The following ZNF341 variants were observed in gnomAD, a reference collection of about 807,000 sequenced individuals.
The protein encoded by ZNF341 is zinc finger protein 341.
ZNF341 carries 52 observed loss-of-function variants against 87.7 expected under a neutral mutation model. That is an observed-to-expected ratio of 0.59 (90% CI 0.47 to 0.75). The LOEUF (loss-of-function observed/expected upper bound fraction) is 0.75. ZNF341 is among the 30% of genes least tolerant of loss of function. The pLI, the probability that ZNF341 is intolerant of heterozygous loss-of-function variation, is 0.00. For missense variants in ZNF341, 977 were observed against 1,145.9 expected, an observed-to-expected ratio of 0.85 and a Z score of 2.13; for synonymous variants, 459 against 472.7, an observed-to-expected ratio of 0.97 and a Z score of 0.38.
intron 4 of ZNF341, among the ~76,000 whole-genome samples, chr20:33,750,133 T>G (rs1363200032): frequency 6.6e-6 from 1 of 152,174 alleles, no homozygotes; most frequent in Non-Finnish European, 1.5e-5. Context: ...AAAAAAAAAT[T>G]TTTGTAGAGA....
intron 2 of ZNF341, among the ~76,000 whole-genome samples, chr20:33,743,029 CTCTT>C (rs1266779776): frequency 1.3e-5 from 2 of 150,400 alleles, no homozygotes; most frequent in African/African-American, 2.5e-5. Flanking sequence ...CCCTGTCTCT[CTCTT>C]TTTTTTTTTT....
At chr20:33,786,027 CTTTTTTTTTTTTTTT>C (rs11478588) in intron 12 of ZNF341, among the ~76,000 whole-genome samples, 3 of 68,682 alleles carry the variant, frequency 4.4e-5, no homozygotes, top group Non-Finnish European at 7.5e-5. Flanking sequence ...ATGTATGAAC[CTTTTTTTTTTTTTTT>C]TTTTTTTTTG....
Position 33,791,250 on chromosome 20 carries a change from C to T in ZNF341, c.2298C>T (p.Pro766=). The part of the protein sequence containing the change: ...CGSGGRKVLT[P]LPDPLGLEEL... ...GTGGTGGGCGCAAGGTGCTGACCCC[C>T]TTGCCTGACCCGCTGGGGCTGGAGG... The change falls in exon 15 of 15, where the codon CCC becomes CCT. Residue 766 remains proline, a synonymous_variant. Coordinates refer to ENST00000375200, the MANE Select transcript of ZNF341 (RefSeq NM_001282933.2). 6.2e-7 allele frequency: 1 copy of T among 1,611,996 alleles called. No homozygotes were observed. Among genetic ancestry groups the T allele is most frequent in the Non-Finnish European group, 8.5e-7 (1 of 1,179,524 alleles).
rs1156884932 is a variant in ZNF341 at position 33,788,892 on chromosome 20, G to A, written c.1882G>A (p.Glu628Lys). Residue 628 changes from glutamate (E) to lysine (K), a missense_variant, in exon 13 of 15, where the codon GAG becomes AAG. Transcript: ENST00000375200. The part of the protein sequence containing the change: ...GEKPYKCSVC[E>K]SAFNRKDKLK... ...GAAGCCCTACAAATGCTCAGTGTGC[G>A]AGTCTGCGTTCAACCGCAAGGACAA... 3.1e-6 allele frequency: 5 copies of A among 1,613,976 alleles called. No individual in the cohort carries two copies. Among genetic ancestry groups the A allele is most frequent in the Non-Finnish European group, 3.4e-6 (4 of 1,180,024 alleles).
At chr20:33,762,339 T>C (rs746996122) in intron 8 of ZNF341, among the ~76,000 whole-genome samples, 2 of 151,950 alleles carry the variant, frequency 1.3e-5, no homozygotes, top group South Asian at 2.1e-4. Context: ...TTTTAACTTA[T>C]GAGTTATTTC....
intron 11 of ZNF341, 111 bp from the exon 12 acceptor site, chr20:33,783,621 G>T (rs2019786668): frequency 6.7e-7 from 1 of 1,494,570 alleles, no homozygotes; most frequent in Admixed American, 1.7e-5. Flanking sequence ...CTGATAGCCA[G>T]AAAGGAAGGT....
chr20:33,752,818 A>G (rs771263687), intron 4 of ZNF341, among the ~76,000 whole-genome samples: 4 of 151,508 alleles, frequency 2.6e-5, no homozygotes, highest in Non-Finnish European at 5.9e-5. Context: ...CGCCCGGCTA[A>G]TTTTTTGTAT....
chr20:33,748,942 T>G lies in ZNF341; in HGVS notation c.359T>G (p.Val120Gly). 6.2e-7 allele frequency: 1 copy of G among 1,613,794 alleles called. No homozygotes were observed. The highest frequency in any genetic ancestry group is 8.5e-7 in the Non-Finnish European group (1 of 1,179,762). ...ANRQISTYIT[V>G]PPSPLIQTLV... ...GTCCAGATCTCCACATACATCACAG[T>G]GCCCCCGTCCCCACTGATCCAGACC... Residue 120 changes from valine (V) to glycine (G), a missense_variant, in exon 4 of 15, where the codon GTG becomes GGG. Coordinates refer to ENST00000375200, the MANE Select transcript of ZNF341 (RefSeq NM_001282933.2).
chr20:33,789,792 G>T (rs1186960395), intron 14 of ZNF341, among the ~76,000 whole-genome samples: 1 of 152,350 alleles, frequency 6.6e-6, no homozygotes, highest in Non-Finnish European at 1.5e-5. Context: ...ATCAGACACA[G>T]TCCCCCAGTC....
intron 8 of ZNF341, among the ~76,000 whole-genome samples, chr20:33,766,009 A>C (rs2019398858): frequency 6.6e-6 from 1 of 151,046 alleles, no homozygotes; most frequent in African/African-American, 2.4e-5. Flanking sequence ...CAGCCTCCCA[A>C]GTAGCTGGGA....
chr20:33,744,862 G>A (rs2018882772), intron 2 of ZNF341, among the ~76,000 whole-genome samples: 1 of 152,132 alleles, frequency 6.6e-6, no homozygotes, highest in African/African-American at 2.4e-5. Flanking sequence ...AAAGTGCTGG[G>A]ATTACAGGCA....
intron 8 of ZNF341, among the ~76,000 whole-genome samples, chr20:33,764,431 A>G (rs1267976398): frequency 6.7e-6 from 1 of 150,036 alleles, no homozygotes; most frequent in Non-Finnish European, 1.5e-5. Context: ...GCAATTTTTA[A>G]AAAGATCAAA....
At chr20:33,756,676 C>A (rs1006885133) in intron 5 of ZNF341, among the ~76,000 whole-genome samples, 1 of 152,148 alleles carries the variant, frequency 6.6e-6, no homozygotes, top group Non-Finnish European at 1.5e-5. Context: ...CCACCTAGTT[C>A]TCTTAATGCT....
intron 3 of ZNF341, among the ~76,000 whole-genome samples, chr20:33,748,353 A>T (rs1256837897): frequency 2.0e-5 from 3 of 152,204 alleles, no homozygotes; most frequent in African/African-American, 7.2e-5. Flanking sequence ...TACAGGCGTG[A>T]GCCACCATGC....
intron 10 of ZNF341, among the ~76,000 whole-genome samples, chr20:33,775,499 G>A (rs1450257716): frequency 1.3e-5 from 2 of 148,666 alleles, no homozygotes; most frequent in South Asian, 2.1e-4. Flanking sequence ...GTGAGCCACC[G>A]TGCCCGGCCT....
chr20:33,780,598 C>A (rs1314092378), intron 10 of ZNF341, among the ~76,000 whole-genome samples: 2 of 151,824 alleles, frequency 1.3e-5, no homozygotes, highest in Non-Finnish European at 2.9e-5. Context: ...AGTAGAGAGA[C>A]GGGGTTTCAT....
intron 10 of ZNF341, among the ~76,000 whole-genome samples, chr20:33,770,894 G>T (rs1243641896): frequency 6.6e-6 from 1 of 152,176 alleles, no homozygotes; most frequent in African/African-American, 2.4e-5. Flanking sequence ...GCTGAGGCGG[G>T]CAGATGATGA....
intron 6 of ZNF341, 107 bp downstream of exon 6, chr20:33,757,450 A>G (rs1053002778): frequency 1.1e-5 from 11 of 1,031,830 alleles, no homozygotes; most frequent in Non-Finnish European, 1.4e-5. Flanking sequence ...GTTGCATGTA[A>G]TAGAAAATTC....
At chr20:33,766,392 A>C (rs2019406586) in intron 8 of ZNF341, among the ~76,000 whole-genome samples, 1 of 151,536 alleles carries the variant, frequency 6.6e-6, no homozygotes, top group Non-Finnish European at 1.5e-5. Flanking sequence ...ATGGGCTTTC[A>C]CCATGTTGGG....
Sources: allele counts gnomAD v4.1 joint callset (sites outside exome capture counted in the v4.1 genomes callset), GRCh38; gene constraint gnomAD v4.1.1; transcripts MANE v1.5; gene names NCBI Gene and HGNC (gene_info 2026-07-23, HGNC 2026-07-21).